RABEP1: variants seen among roughly 807,000 people sequenced by gnomAD.
The protein encoded by RABEP1 is rab GTPase-binding effector protein 1.
In RABEP1, 51 loss-of-function variants were observed where a neutral mutation model predicts 123.4. The ratio of observed to expected loss-of-function variants is 0.41; its 90% CI spans 0.33 to 0.52. The LOEUF is 0.52. RABEP1 is among the 20% of genes least tolerant of loss of function. RABEP1 has a pLI of 0.16. For missense variants in RABEP1, 888 were observed against 996.3 expected, an observed-to-expected ratio of 0.89 and a Z score of 1.46; for synonymous variants, 347 against 355.2, an observed-to-expected ratio of 0.98 and a Z score of 0.26.
intron 14 of RABEP1, among the ~76,000 whole-genome samples, chr17:5,377,742 GTC>G: frequency 6.6e-6 from 1 of 152,136 alleles, no homozygotes; most frequent in South Asian, 2.1e-4. Flanking sequence ...GGTCAAGCTG[GTC>G]TCGAACTCCT....
intron 2 of RABEP1, among the ~76,000 whole-genome samples, chr17:5,316,991 G>T (rs759836117): frequency 6.6e-6 from 1 of 151,912 alleles, no homozygotes; most frequent in Non-Finnish European, 1.5e-5. Flanking sequence ...TGCAACCTCT[G>T]CTTCCCAGGT....
Position 5,308,228 on chromosome 17 carries a change from C to CTT in RABEP1, c.35-452_35-451dup, listed in dbSNP as rs34390571. Among the ~76,000 whole-genome samples, 603 of 140,138 alleles carry CTT rather than the reference C, an allele frequency of 4.3e-3. 6 individuals carry two copies. The highest frequency in any genetic ancestry group is 0.022 in the Middle Eastern group (6 of 276). The allele number at this position is 140,138 out of a possible 152,430, so 91.9% of individuals were successfully genotyped here. On this transcript the variant is annotated intron_variant, in intron 1 of 17. Transcript: ENST00000537505. Reference sequence around the variant, plus strand: ...TGTGTATTAAGTCTAATACAAGGATCTTTTTTTTTTTTTTTGAGACAGAGT... The same window carrying CTT: ...TGTGTATTAAGTCTAATACAAGGATCTTTTTTTTTTTTTTTTTGAGACAGAGT...
intron 1 of RABEP1, among the ~76,000 whole-genome samples, chr17:5,290,053 TA>T (rs1292046329): frequency 1.1e-4 from 16 of 152,244 alleles, no homozygotes; most frequent in African/African-American, 3.9e-4. Flanking sequence ...GTTCTCTTCT[TA>T]TGTAGTCATT....
chr17:5,302,244 A>ATTTTTTTTTTTTTTTTTT lies in RABEP1; in HGVS notation c.35-6436_35-6435insTTTTTTTTTTTTTTTTTT, dbSNP rs57770310. Among the ~76,000 whole-genome samples, 5 of 118,404 alleles carry ATTTTTTTTTTTTTTTTTT rather than the reference A, an allele frequency of 4.2e-5. 1 individual carries two copies. Among genetic ancestry groups the ATTTTTTTTTTTTTTTTTT allele is most frequent in the Admixed American group, 1.8e-4 (2 of 11,420 alleles). The allele number at this position is 118,404 out of a possible 152,430, so 77.7% of individuals were successfully genotyped here. A position where few individuals can be genotyped will look rare whatever the true frequency, so the allele number is the denominator to read the frequency against. On this transcript the variant is annotated intron_variant, in intron 1 of 17. Transcript: ENST00000537505. Reference sequence around the variant, plus strand: ...GATTTAGGGGAATGTTACTGAAAACATTTTTTTTTTTTTTGAGATGGAGTC... The same window carrying ATTTTTTTTTTTTTTTTTT: ...GATTTAGGGGAATGTTACTGAAAACATTTTTTTTTTTTTTTTTTTTTTTTTTTTTTTTGAGATGGAGTC...
chr17:5,379,428 T>G (rs1302310954), intron 15 of RABEP1, among the ~76,000 whole-genome samples: 2 of 152,126 alleles, frequency 1.3e-5, no homozygotes, highest in Non-Finnish European at 2.9e-5. Flanking sequence ...TGTCTCATAT[T>G]CAGAAGGAAA....
At chr17:5,364,686 T>C (rs1330903967) in intron 10 of RABEP1, among the ~76,000 whole-genome samples, 2 of 148,874 alleles carry the variant, frequency 1.3e-5, no homozygotes, top group Non-Finnish European at 3.0e-5. Flanking sequence ...TGAGCCGAGA[T>C]TGCAGAGCGA....
chr17:5,362,904 C>A lies in RABEP1; in HGVS notation c.1564-8C>A, dbSNP rs1909679405. 1 of 1,595,574 alleles carries A rather than the reference C, an allele frequency of 6.3e-7. No individual in the cohort carries two copies. The highest frequency in any genetic ancestry group is 1.3e-5 in the African/African-American group (1 of 74,642). ...TGCCTGATAAGAGGTAATTTTGGTGCCCTTCAGGTACATAATGCTGGAAAT... is the reference window on the plus strand; with the variant it reads ...TGCCTGATAAGAGGTAATTTTGGTGACCTTCAGGTACATAATGCTGGAAAT... On this transcript the variant is annotated splice_polypyrimidine_tract_variant and splice_region_variant and intron_variant, in intron 9 of 17. Coordinates refer to ENST00000537505, the MANE Select transcript of RABEP1 (RefSeq NM_004703.6).
Position 5,332,152 on chromosome 17 carries a change from G to C in RABEP1, c.367G>C (p.Glu123Gln), listed in dbSNP as rs768469367. ...TGCTTCACTTCAGGCTGTTATGAAA[G>C]GTAAAGACAGAGAAAGATCAATTTT... ...EVASLQAVMK[E>Q]TVRDYEHQFH... The change falls in exon 3 of 18, where the codon GAA becomes CAA. Residue 123 changes from glutamate to glutamine, a missense_variant and splice_region_variant. Physicochemically the swap from Glu to Gln is conservative, Grantham distance 29. Coordinates refer to ENST00000537505, the MANE Select transcript of RABEP1 (RefSeq NM_004703.6). 6.2e-7 allele frequency: 1 copy of C among 1,612,766 alleles called. No homozygotes were observed. Among genetic ancestry groups the C allele is most frequent in the South Asian group, 1.1e-5 (1 of 90,958 alleles).
chr17:5,308,412 G>GA (rs1274540537), intron 1 of RABEP1, among the ~76,000 whole-genome samples: 1 of 152,118 alleles, frequency 6.6e-6, no homozygotes, highest in Admixed American at 6.5e-5. Context: ...TTTTAATAGA[G>GA]ATGGGATTTC....
intron 1 of RABEP1, among the ~76,000 whole-genome samples, chr17:5,294,374 T>TC (rs1299104085): frequency 6.6e-6 from 1 of 151,712 alleles, no homozygotes; most frequent in Non-Finnish European, 1.5e-5. Context: ...ACAGTGAGAC[T>TC]CCAACTCAAG....
rs9914321 is a variant in RABEP1 at position 5,373,661 on chromosome 17, A to G, written c.2025+207A>G. On this transcript the variant is annotated intron_variant, in intron 13 of 17. Coordinates refer to ENST00000537505, the MANE Select transcript of RABEP1 (RefSeq NM_004703.6). Reference sequence around the variant, plus strand: ...TTAGAACATTTTCATCACCTCAAGTAGTAACTCCCTGTGACCCGACTACAC... The same window carrying G: ...TTAGAACATTTTCATCACCTCAAGTGGTAACTCCCTGTGACCCGACTACAC... 0.026 allele frequency among the ~76,000 whole-genome samples: 3,915 copies of G among 149,958 alleles called. 134 individuals carry two copies. Among genetic ancestry groups the G allele is most frequent in the African/African-American group, 0.082 (3,335 of 40,896 alleles).
intron 16 of RABEP1, 139 bp from the exon 17 acceptor site, chr17:5,381,244 TAGATAA>T (rs1567557066): frequency 1.5e-5 from 17 of 1,128,812 alleles, no homozygotes; most frequent in Middle Eastern, 2.1e-4. Flanking sequence ...GCTTGCCCTA[TAGATAA>T]AGAGATTGGT....
chr17:5,343,558 C>T (rs966024426), intron 5 of RABEP1, among the ~76,000 whole-genome samples: 2 of 151,892 alleles, frequency 1.3e-5, no homozygotes, highest in African/African-American at 2.4e-5. Flanking sequence ...ATTTCTAAAC[C>T]GGTAACGAAC....
At chr17:5,304,220 G>C (rs2144508018) in intron 1 of RABEP1, among the ~76,000 whole-genome samples, 1 of 151,842 alleles carries the variant, frequency 6.6e-6, no homozygotes, top group South Asian at 2.1e-4. Context: ...TATTGCTGTT[G>C]CTATTTGAGA....
intron 15 of RABEP1, among the ~76,000 whole-genome samples, chr17:5,379,595 C>T (rs1282570553): frequency 2.0e-5 from 3 of 152,120 alleles, no homozygotes; most frequent in African/African-American, 4.8e-5. Flanking sequence ...GATATTGCAC[C>T]AGCAGAAATT....
chr17:5,356,911 A>G (rs905864339), intron 8 of RABEP1, among the ~76,000 whole-genome samples: 3 of 151,902 alleles, frequency 2.0e-5, no homozygotes, highest in African/African-American at 7.3e-5. Context: ...ACAGGGTCTC[A>G]CTTTCACCCA....
At chr17:5,284,382 C>T (rs1309174112) in intron 1 of RABEP1, among the ~76,000 whole-genome samples, 12 of 151,962 alleles carry the variant, frequency 7.9e-5, no homozygotes, top group Admixed American at 7.9e-4. Flanking sequence ...GTAGCCATGG[C>T]TACTTTTTAC....
intron 2 of RABEP1, among the ~76,000 whole-genome samples, chr17:5,321,644 T>A (rs545364572): frequency 6.6e-6 from 1 of 152,280 alleles, no homozygotes; most frequent in South Asian, 2.1e-4. Flanking sequence ...CCACTTTACC[T>A]GTAAAGATAC....
At chr17:5,317,104 T>C (rs1013267893) in intron 2 of RABEP1, among the ~76,000 whole-genome samples, 18 of 152,014 alleles carry the variant, frequency 1.2e-4, no homozygotes, top group African/African-American at 4.4e-4. Context: ...ACTTATTCTT[T>C]GAGGCTAGTG....
Sources: allele counts gnomAD v4.1 joint callset (sites outside exome capture counted in the v4.1 genomes callset), GRCh38; gene constraint gnomAD v4.1.1; transcripts MANE v1.5; gene names NCBI Gene and HGNC (gene_info 2026-07-23, HGNC 2026-07-21).